The following TSC2 variants were observed in gnomAD, a reference collection of about 807,000 sequenced individuals.
The protein encoded by TSC2 is tuberin.
TSC2 carries 29 observed loss-of-function variants against 202.2 expected under a neutral mutation model. The observed-to-expected ratio is 0.14, with a 90% CI of 0.11 to 0.20. The LOEUF (loss-of-function observed/expected upper bound fraction) is 0.20. Ranked by LOEUF, TSC2 falls within the 10% of genes least tolerant of loss-of-function variation. The pLI is 1.00. For synonymous variants in TSC2, 1,349 were observed against 1,044.0 expected (o/e 1.29, Z -5.63); for missense variants, 2,429 against 2,420.0 (o/e 1.00, Z -0.08).
chr16:2,052,292 C>G (rs1414545515), intron 3 of TSC2, among the ~76,000 whole-genome samples: 2 of 146,590 alleles, frequency 1.4e-5, no homozygotes, highest in East Asian at 3.9e-4. Flanking sequence ...CAGATGACAT[C>G]TAAAAGAACA....
intron 2 of TSC2, among the ~76,000 whole-genome samples, chr16:2,049,578 A>G (rs1039473093): frequency 6.6e-6 from 1 of 151,696 alleles, no homozygotes; most frequent in African/African-American, 2.4e-5. Flanking sequence ...TCATCCCAGC[A>G]CTTTGGGAGG....
intron 32 of TSC2, 76 bp from the exon 33 acceptor site, chr16:2,083,619 C>G: frequency 6.5e-7 from 1 of 1,546,252 alleles, no homozygotes; most frequent in Non-Finnish European, 8.7e-7. Flanking sequence ...CAGGAGAAGG[C>G]TGGTTCTCGG....
intron 36 of TSC2, 79 bp downstream of exon 36, chr16:2,085,401 C>G (rs909856977): frequency 3.7e-5 from 54 of 1,456,200 alleles, no homozygotes; most frequent in Non-Finnish European, 5.1e-5. Flanking sequence ...AGTCTGGGCC[C>G]CCAACGCCCC....
At chr16:2,070,396 C>T (rs895815691) in intron 16 of TSC2, 60 bp from the exon 17 acceptor site, 12 of 1,612,750 alleles carry the variant, frequency 7.4e-6, no homozygotes, top group East Asian at 4.5e-5. Context: ...GACAAGGGTG[C>T]TGTCTTAGGA....
chr16:2,071,983 A>T (rs1358617753), intron 19 of TSC2, 49 bp downstream of exon 19: 5 of 1,529,050 alleles, frequency 3.3e-6, no homozygotes, highest in Non-Finnish European at 4.4e-6. Context: ...GGCCAGGAGG[A>T]CAGGGAGCTG....
chr16:2,058,704 CAG>C (rs2086214917), intron 9 of TSC2, 41 bp from the exon 10 acceptor site: 1 of 1,556,216 alleles, frequency 6.4e-7, no homozygotes, highest in African/African-American at 1.4e-5. Flanking sequence ...GACCCTGGGA[CAG>C]GGCCCTGCTC....
At chr16:2,059,934 T>C (rs184934579) in intron 10 of TSC2, among the ~76,000 whole-genome samples, 39 of 152,308 alleles carry the variant, frequency 2.6e-4, no homozygotes, top group Middle Eastern at 3.4e-3. Context: ...GTGCTGAGAT[T>C]ATAGGCATGA....
At chr16:2,088,413 C>T in intron 41 of TSC2, 33 bp from the exon 42 acceptor site, 1 of 1,612,676 alleles carries the variant, frequency 6.2e-7, no homozygotes, top group Non-Finnish European at 8.5e-7. Context: ...CCACGCCTCC[C>T]AGACTTACTG....
rs758162646 is a variant in TSC2, at chr16:2,088,954, C to T, written c.*344C>T. 2.9e-6 allele frequency: 1 copy of T among 346,770 alleles called. No homozygotes were observed. Among genetic ancestry groups the T allele is most frequent in the Non-Finnish European group, 5.4e-6 (1 of 183,726 alleles). The allele number at this position is 346,770 out of a possible 1,614,324, so 21.5% of individuals were successfully genotyped here. A position where few individuals can be genotyped will look rare whatever the true frequency, so the allele number is the denominator to read the frequency against. Reference sequence around the variant, plus strand: ...CCCAGGAGGAGTCTTTTCCTCTAACCACCCTGGGGTCCTCTGACATGCCTA... The same window carrying T: ...CCCAGGAGGAGTCTTTTCCTCTAACTACCCTGGGGTCCTCTGACATGCCTA... On this transcript the variant is annotated 3_prime_UTR_variant, in exon 42 of 42. Coordinates refer to ENST00000219476, the MANE Select transcript of TSC2 (RefSeq NM_000548.5).
At chr16:2,073,774 C>T (rs1388526286) in intron 21 of TSC2, among the ~76,000 whole-genome samples, 3 of 152,230 alleles carry the variant, frequency 2.0e-5, no homozygotes, top group African/African-American at 7.2e-5. Context: ...GAAATGGAAG[C>T]TGTTCCCGGG....
intron 3 of TSC2, among the ~76,000 whole-genome samples, chr16:2,051,166 G>C (rs1368504072): frequency 6.6e-6 from 1 of 151,880 alleles, no homozygotes; most frequent in Non-Finnish European, 1.5e-5. Flanking sequence ...TGTACTAAAA[G>C]ATGATGAGCC....
rs936291306 is a variant in TSC2, at chr16:2,067,285, C to T, written c.1716+1650C>T. On this transcript the variant is annotated intron_variant, in intron 16 of 41. Transcript: ENST00000219476. ...GTGATCGTCCTGCCTCGGAGGCCTC[C>T]CAAGTAGCTGGGACCATAGGCACAC... 1.6e-4 allele frequency among the ~76,000 whole-genome samples: 25 copies of T among 151,922 alleles called. 1 individual carries two copies. The highest frequency in any genetic ancestry group is 1.5e-5 in the Non-Finnish European group (1 of 67,968).
chr16:2,075,696 C>G, intron 22 of TSC2, 103 bp from the exon 23 acceptor site: 1 of 1,291,616 alleles, frequency 7.7e-7, no homozygotes, highest in Non-Finnish European at 1.1e-6. Context: ...GCCTTCTCTC[C>G]TCTGCAGCAC....
In TSC2 at chr16:2,085,363, G is replaced by C. The variant is rs45482694; in HGVS notation, c.4662+41G>C. ...CGGCCTAGGTGCCTGGACAGGGCCA[G>C]CTGGGCCTCAGCCTGCAGTGGGTAG... On this transcript the variant is annotated intron_variant, in intron 36 of 41. Transcript: ENST00000219476. The C allele has an allele frequency of 6.8e-6, 11 of 1,606,532 alleles. No individual in the cohort carries two copies. The highest frequency in any genetic ancestry group is 1.7e-5 in the Admixed American group (1 of 59,970).
At position 2,083,526 on chromosome 16, in the gene TSC2, C is replaced by A. The variant is rs369937605; in HGVS notation, c.3884-169C>A. On this transcript the variant is annotated intron_variant, in intron 32 of 41. Coordinates refer to ENST00000219476, the MANE Select transcript of TSC2 (RefSeq NM_000548.5). ...TGTGTCGGGGTCACGTGCAGGCCTT[C>A]CCAGCGTCCTCCCTGCCCGCTCGGT... 20 of 1,213,458 alleles carry A rather than the reference C, an allele frequency of 1.6e-5. No homozygotes were observed. The African/African-American group carries it at 2.7e-4, about 16-fold the overall frequency. 75.2% of individuals were successfully genotyped at this position (1,213,458 alleles called of 1,614,324 possible). A position where few individuals can be genotyped will look rare whatever the true frequency, so the allele number is the denominator to read the frequency against.
chr16:2,048,154 C>CGCGG, intron 1 of TSC2, 89 bp downstream of exon 1: 1 of 1,534,634 alleles, frequency 6.5e-7, no homozygotes, highest in Non-Finnish European at 8.8e-7. Context: ...GTCCCGGGCC[C>CGCGG]TCACCCGCGC....
At chr16:2,086,107 G>A in intron 36 of TSC2, 86 bp from the exon 37 acceptor site, 2 of 1,534,194 alleles carry the variant, frequency 1.3e-6, no homozygotes, top group Non-Finnish European at 1.8e-6. Context: ...GGGGCTCCCG[G>A]CAGAGCCTGC....
intron 35 of TSC2, 80 bp from the exon 36 acceptor site, chr16:2,085,150 A>C: frequency 2.5e-6 from 4 of 1,604,694 alleles, no homozygotes; most frequent in Non-Finnish European, 3.4e-6. Flanking sequence ...TCCCTGTGGC[A>C]GCCTGCCGTG....
chr16:2,069,859 C>T (rs938495275), intron 16 of TSC2, among the ~76,000 whole-genome samples: 5 of 151,900 alleles, frequency 3.3e-5, no homozygotes, highest in African/African-American at 1.2e-4. Flanking sequence ...GTGATCCACC[C>T]ACTTCAGCCT....
Sources: gnomAD v4.1 joint callset for allele counts (sites outside exome capture counted in the v4.1 genomes callset) on GRCh38, gnomAD v4.1.1 for gene constraint, MANE v1.5 for transcripts, NCBI Gene and HGNC (gene_info 2026-07-23, HGNC 2026-07-21) for gene names.